Variants in ANKRD12 observed in about 807,000 individuals in gnomAD.
The protein encoded by ANKRD12 is ankyrin repeat domain 12.
Under a neutral mutation model 183.4 loss-of-function variants are expected in ANKRD12, and 85 were observed. The observed-to-expected ratio is 0.46, with a 90% confidence interval of 0.39 to 0.56. The LOEUF is 0.56. Among genes scored for constraint, ANKRD12 ranks in the 20% least tolerant of loss-of-function variants. The probability of loss-of-function intolerance (pLI) is 0.00; values close to 1 mark genes in which losing one functional copy is unlikely to be tolerated. For missense variants in ANKRD12, 2,405 were observed against 2,357.1 expected (o/e 1.02, Z -0.42); for synonymous variants, 914 against 800.2 (o/e 1.14, Z -2.40).
intron 1 of ANKRD12, among the ~76,000 whole-genome samples, chr18:9,139,738 G>A (rs2078253003): frequency 6.6e-6 from 1 of 152,208 alleles, no homozygotes; most frequent in African/African-American, 2.4e-5. Context: ...CTAAAAACAT[G>A]TATTTGTAAG....
At chr18:9,178,666 A>T (rs1394350807) in intron 1 of ANKRD12, among the ~76,000 whole-genome samples, 1 of 152,140 alleles carries the variant, frequency 6.6e-6, no homozygotes, top group East Asian at 1.9e-4. Context: ...ACAATTTGTC[A>T]GTTTCCATAA....
intron 8 of ANKRD12, 102 bp downstream of exon 8, chr18:9,222,101 A>G (rs1305802839): frequency 2.2e-6 from 3 of 1,382,636 alleles, no homozygotes; most frequent in Non-Finnish European, 3.0e-6. Flanking sequence ...ATACTTTAGA[A>G]TAATGCTGGC....
At chr18:9,138,663 A>G (rs73390128) in intron 1 of ANKRD12, among the ~76,000 whole-genome samples, 1,673 of 152,324 alleles carry the variant, frequency 0.011, 37 homozygotes, top group African/African-American at 0.038. Context: ...CATATGCTCT[A>G]TTGGTGCCAA....
intron 1 of ANKRD12, among the ~76,000 whole-genome samples, chr18:9,181,239 T>C (rs2033677345): frequency 6.6e-6 from 1 of 152,240 alleles, no homozygotes. Flanking sequence ...CAGATTAATA[T>C]GGTTTTGATA....
At position 9,257,569 on chromosome 18, in the gene ANKRD12, T is replaced by G; in HGVS notation, c.4302T>G (p.Phe1434Leu). The G allele has an allele frequency of 6.2e-7, 1 of 1,614,126 alleles. No homozygotes were observed. ...DRLETLSTRD[F>L]ICPNSNIPDQ... ...TAGAGACATTAAGCACCAGAGACTT[T>G]ATCTGCCCAAATTCTAACATACCTG... The change falls in exon 9 of 13, where the codon TTT (phenylalanine) becomes TTG (leucine). Residue 1434 changes from phenylalanine to leucine, a missense_variant. Physicochemically the swap from Phe to Leu is conservative, Grantham distance 22. Transcript: ENST00000262126.
intron 1 of ANKRD12, among the ~76,000 whole-genome samples, chr18:9,155,137 TAAGA>T (rs2030211224): frequency 6.6e-6 from 1 of 152,152 alleles, no homozygotes; most frequent in Admixed American, 6.5e-5. Flanking sequence ...GATTAAAAAA[TAAGA>T]AAGTTGCTTC....
chr18:9,248,584 T>G (rs75643928), intron 8 of ANKRD12, among the ~76,000 whole-genome samples: 54 of 152,168 alleles, frequency 3.5e-4, no homozygotes, highest in African/African-American at 1.2e-3. Context: ...TTACTTGTGT[T>G]TGCAGTTATT....
At chr18:9,170,699 T>G (rs1010721839) in intron 1 of ANKRD12, among the ~76,000 whole-genome samples, 1 of 152,158 alleles carries the variant, frequency 6.6e-6, no homozygotes, top group African/African-American at 2.4e-5. Context: ...AAGCCTTCTC[T>G]CAACTTTTCA....
chr18:9,233,269 T>C (rs1449374851), intron 8 of ANKRD12, among the ~76,000 whole-genome samples: 1 of 151,994 alleles, frequency 6.6e-6, no homozygotes, highest in African/African-American at 2.4e-5. Flanking sequence ...AATTTTTGTT[T>C]GGTTCTTTTT....
chr18:9,245,537 C>T (rs560995629), intron 8 of ANKRD12, among the ~76,000 whole-genome samples: 2 of 152,148 alleles, frequency 1.3e-5, no homozygotes, highest in Admixed American at 6.6e-5. Flanking sequence ...TCTTTATAAA[C>T]TATATTAATA....
At chr18:9,242,767 AT>A (rs1327067073) in intron 8 of ANKRD12, among the ~76,000 whole-genome samples, 10 of 152,064 alleles carry the variant, frequency 6.6e-5, no homozygotes, top group African/African-American at 2.4e-4. Context: ...TTGTATGTAG[AT>A]TTTGCTTTTA....
chr18:9,154,723 T>C (rs1470373412), intron 1 of ANKRD12, among the ~76,000 whole-genome samples: 2 of 152,168 alleles, frequency 1.3e-5, no homozygotes, highest in Admixed American at 1.3e-4. Context: ...GCAAGTGAGA[T>C]GGGAAGACAT....
chr18:9,144,493 A>G (rs2078427053), intron 1 of ANKRD12, among the ~76,000 whole-genome samples: 2 of 152,074 alleles, frequency 1.3e-5, no homozygotes, highest in Admixed American at 1.3e-4. Flanking sequence ...GCTTTTGTAT[A>G]CTCAGATGTT....
intron 1 of ANKRD12, among the ~76,000 whole-genome samples, chr18:9,162,888 G>A (rs1197553096): frequency 1.3e-5 from 2 of 151,782 alleles, no homozygotes; most frequent in Non-Finnish European, 2.9e-5. Flanking sequence ...TTTTTAATGG[G>A]GTTGGTTGTT....
At chr18:9,199,190 A>T (rs940822093) in intron 3 of ANKRD12, among the ~76,000 whole-genome samples, 4 of 152,148 alleles carry the variant, frequency 2.6e-5, no homozygotes, top group Admixed American at 2.6e-4. Context: ...GCTACTCGGG[A>T]TGCTGATGCA....
chr18:9,195,649 TC>T lies in ANKRD12; in HGVS notation c.188del (p.Pro63LeufsTer81). 1 of 1,612,896 alleles carries T rather than the reference TC, an allele frequency of 6.2e-7. No individual in the cohort carries two copies. Among genetic ancestry groups the T allele is most frequent in the Non-Finnish European group, 8.5e-7 (1 of 1,179,454 alleles). On this transcript the variant is annotated frameshift_variant, in exon 3 of 13. Transcript: ENST00000262126. LOFTEE classifies it high-confidence loss of function. ...AGAAATCATCCATGAAACGTAAACT[TC>T]CTTTTACTATTAGCCCATCAAGAAA... ...KEKSSMKRKL[P>X]FTISPSRNEE... is the part of the protein sequence containing the mutation.
At chr18:9,166,224 G>C (rs1193708154) in intron 1 of ANKRD12, among the ~76,000 whole-genome samples, 2 of 152,088 alleles carry the variant, frequency 1.3e-5, no homozygotes, top group East Asian at 1.9e-4. Flanking sequence ...GTAATCCTTT[G>C]GGTATATACC....
At chr18:9,207,677 C>G (rs2035563432) in intron 4 of ANKRD12, among the ~76,000 whole-genome samples, 1 of 151,304 alleles carries the variant, frequency 6.6e-6, no homozygotes, top group Non-Finnish European at 1.5e-5. Context: ...CCCATTTTTG[C>G]TATTTTTGAA....
intron 1 of ANKRD12, among the ~76,000 whole-genome samples, chr18:9,167,196 G>A (rs954468364): frequency 3.3e-5 from 5 of 152,168 alleles, no homozygotes; most frequent in African/African-American, 1.2e-4. Context: ...ACTTGGCAAT[G>A]CGGGCTCTTT....
Sources: allele counts gnomAD v4.1 joint callset (sites outside exome capture counted in the v4.1 genomes callset), GRCh38; gene constraint gnomAD v4.1.1; transcripts MANE v1.5; gene names NCBI Gene and HGNC (gene_info 2026-07-23, HGNC 2026-07-21).